The following THSD7B variants were observed in gnomAD, a reference collection of about 807,000 sequenced individuals.
THSD7B encodes the protein thrombospondin type-1 domain-containing protein 7B.
Under a neutral mutation model 213.6 loss-of-function variants are expected in THSD7B, and 138 were observed. That is an observed-to-expected ratio of 0.65 (90% confidence interval 0.56 to 0.74). The LOEUF is 0.74. Among genes scored for constraint, THSD7B ranks in the 30% least tolerant of loss-of-function variants. The pLI, the probability that THSD7B is intolerant of heterozygous loss-of-function variation, is 0.00. For synonymous variants in THSD7B, 742 were observed against 687.0 expected (o/e 1.08, Z -1.25); for missense variants, 1,931 against 1,991.5 (o/e 0.97, Z 0.58).
rs574424511 is a variant in THSD7B, at chr2:137,527,215, T to C, written c.3139-36006T>C. ...AAAGAAAATAAAAGAATTCAGTCAG[T>C]TGCAAAACAGAATAATCTTATTTGA... On this transcript the variant is annotated intron_variant, in intron 15 of 27. Transcript: ENST00000409968. 2.6e-5 allele frequency among the ~76,000 whole-genome samples: 4 copies of C among 152,296 alleles called. No individual in the cohort carries two copies. In the East Asian group the frequency reaches 5.8e-4, roughly 22 times the overall value.
chr2:137,515,800 T>C (rs540696984), intron 15 of THSD7B, among the ~76,000 whole-genome samples: 23 of 152,318 alleles, frequency 1.5e-4, no homozygotes, highest in African/African-American at 5.1e-4. Flanking sequence ...TCCCTTGGTT[T>C]AATGTAGAGG....
chr2:137,092,426 A>C (rs1687966632), intron 3 of THSD7B, among the ~76,000 whole-genome samples: 2 of 152,042 alleles, frequency 1.3e-5, no homozygotes, highest in South Asian at 2.1e-4. Flanking sequence ...AAAATAAATA[A>C]AATAAAAATA....
chr2:136,994,164 A>G (rs1449402992), intron 2 of THSD7B, among the ~76,000 whole-genome samples: 1 of 152,220 alleles, frequency 6.6e-6, no homozygotes, highest in Non-Finnish European at 1.5e-5. Context: ...GGAAAGAAAT[A>G]CATAATTGAC....
intron 15 of THSD7B, among the ~76,000 whole-genome samples, chr2:137,486,107 C>T (rs1380859258): frequency 6.6e-6 from 1 of 152,118 alleles, no homozygotes; most frequent in Non-Finnish European, 1.5e-5. Context: ...AAATAACCAG[C>T]TAACATCATA....
At chr2:136,942,618 A>G (rs1200472358) in intron 2 of THSD7B, among the ~76,000 whole-genome samples, 1 of 152,116 alleles carries the variant, frequency 6.6e-6, no homozygotes, top group Non-Finnish European at 1.5e-5. Context: ...AGCAATTGTG[A>G]ATGGGAGTTG....
intron 4 of THSD7B, among the ~76,000 whole-genome samples, chr2:137,099,387 A>T (rs1422447164): frequency 6.6e-6 from 1 of 152,216 alleles, no homozygotes; most frequent in Non-Finnish European, 1.5e-5. Flanking sequence ...ACTGTTTAGT[A>T]GATGGGGTAA....
At chr2:137,069,512 G>C (rs1687441007) in intron 3 of THSD7B, among the ~76,000 whole-genome samples, 1 of 151,944 alleles carries the variant, frequency 6.6e-6, no homozygotes, top group South Asian at 2.1e-4. Flanking sequence ...ATCCTTTTAA[G>C]AGCTATGATT....
chr2:137,483,898 A>T (rs1443723975), intron 15 of THSD7B, among the ~76,000 whole-genome samples: 1 of 152,144 alleles, frequency 6.6e-6, no homozygotes, highest in African/African-American at 2.4e-5. Flanking sequence ...CTAAAGAAGA[A>T]TCAGTTTTCA....
intron 15 of THSD7B, among the ~76,000 whole-genome samples, chr2:137,549,349 A>G (rs1333930898): frequency 9.1e-6 from 1 of 109,502 alleles, no homozygotes; most frequent in Non-Finnish European, 1.7e-5. Context: ...ACAGAGATAG[A>G]AAGTTTTCCG....
chr2:136,983,618 G>T (rs1685625527), intron 2 of THSD7B, among the ~76,000 whole-genome samples: 1 of 151,914 alleles, frequency 6.6e-6, no homozygotes, highest in South Asian at 2.1e-4. Flanking sequence ...TCTGCAAATG[G>T]AATCAACATG....
At chr2:137,313,580 T>G (rs1683985128) in intron 12 of THSD7B, among the ~76,000 whole-genome samples, 1 of 151,396 alleles carries the variant, frequency 6.6e-6, no homozygotes, top group Non-Finnish European at 1.5e-5. Flanking sequence ...GCTCATTAGT[T>G]GATGCAGTTT....
At chr2:137,394,710 T>C (rs757031389) in intron 12 of THSD7B, among the ~76,000 whole-genome samples, 5,254 of 138,014 alleles carry the variant, frequency 0.038, 297 homozygotes, top group Non-Finnish European at 0.053. Flanking sequence ...AAGTCATTGG[T>C]AGCTTGATGG....
At chr2:137,362,792 CT>C (rs1685298468) in intron 12 of THSD7B, among the ~76,000 whole-genome samples, 1 of 152,104 alleles carries the variant, frequency 6.6e-6, no homozygotes, top group Non-Finnish European at 1.5e-5. Context: ...TAATGGGAGA[CT>C]TTAACACCCC....
At chr2:137,339,537 C>T (rs1558763144) in intron 12 of THSD7B, among the ~76,000 whole-genome samples, 1 of 151,872 alleles carries the variant, frequency 6.6e-6, no homozygotes, top group Non-Finnish European at 1.5e-5. Context: ...AACACAAATG[C>T]ACATCATTTG....
At chr2:137,319,086 T>G (rs1299250882) in intron 12 of THSD7B, among the ~76,000 whole-genome samples, 1 of 152,122 alleles carries the variant, frequency 6.6e-6, no homozygotes, top group South Asian at 2.1e-4. Flanking sequence ...AAATCTTTAC[T>G]CAGGGTATAA....
intron 12 of THSD7B, among the ~76,000 whole-genome samples, chr2:137,310,370 A>G (rs1165310388): frequency 3.5e-5 from 5 of 141,188 alleles, no homozygotes; most frequent in African/African-American, 5.3e-5. Flanking sequence ...TTTCTTGTAA[A>G]TTTGTTTGAG....
chr2:137,655,699 A>G (rs1322573949), intron 22 of THSD7B, 39 bp downstream of exon 22: 1 of 1,583,244 alleles, frequency 6.3e-7, no homozygotes, highest in Admixed American at 1.8e-5. Context: ...TCCCATGGTG[A>G]TCTTTTTGTT....
Position 137,546,353 on chromosome 2 carries a change from ATATATATAT to A in THSD7B, c.3139-16858_3139-16850del. On this transcript the variant is annotated intron_variant, in intron 15 of 27. Transcript: ENST00000409968. Reference sequence around the variant, plus strand: ...ATGCATTCAGTATTGAAGTCAGCATATATATATATTATATATATATATAATATATATATT... The same window carrying A: ...ATGCATTCAGTATTGAAGTCAGCATATATATATATATATAATATATATATT... Among the ~76,000 whole-genome samples, 2 of 63,292 alleles carry A rather than the reference ATATATATAT, an allele frequency of 3.2e-5. 1 individual carries two copies. Among genetic ancestry groups the A allele is most frequent in the South Asian group, 9.1e-4 (2 of 2,186 alleles). 41.5% of individuals were successfully genotyped at this position (63,292 alleles called of 152,430 possible).
At chr2:137,031,576 A>G (rs1179469619) in intron 2 of THSD7B, among the ~76,000 whole-genome samples, 2 of 152,156 alleles carry the variant, frequency 1.3e-5, no homozygotes, top group Non-Finnish European at 2.9e-5. Flanking sequence ...TACCTAGCTC[A>G]TAATAGGAGT....
Sources: gnomAD v4.1 joint callset for allele counts (sites outside exome capture counted in the v4.1 genomes callset) on GRCh38, gnomAD v4.1.1 for gene constraint, MANE v1.5 for transcripts, NCBI Gene and HGNC (gene_info 2026-07-23, HGNC 2026-07-21) for gene names.